Variants in HIP1 observed in about 807,000 individuals in gnomAD.
HIP1 encodes huntingtin interacting protein 1, also known as huntingtin-interacting protein 1.
A neutral mutation model predicts 147.6 loss-of-function variants in HIP1; 65 were observed. That is an observed-to-expected ratio of 0.44 (90% confidence interval 0.36 to 0.54). The LOEUF (loss-of-function observed/expected upper bound fraction) is 0.54, where lower values mean the gene tolerates loss of function less well. HIP1 is among the 20% of genes least tolerant of loss of function. The pLI, the probability that HIP1 is intolerant of heterozygous loss-of-function variation, is 0.00. For missense variants in HIP1, 1,061 were observed against 1,299.6 expected (o/e 0.82, Z 2.82); for synonymous variants, 479 against 504.0 (o/e 0.95, Z 0.67).
chr7:75,721,382 A>AG (rs1801500284), intron 1 of HIP1, among the ~76,000 whole-genome samples: 1 of 151,958 alleles, frequency 6.6e-6, no homozygotes, highest in Non-Finnish European at 1.5e-5. Context: ...TAAAAAAAAA[A>AG]TTAGCTGGGC....
rs1796308413 is a variant in HIP1, at chr7:75,586,843, A to G, written c.385-10T>C. On this transcript the variant is annotated splice_polypyrimidine_tract_variant and intron_variant, in intron 4 of 30. Coordinates refer to ENST00000336926, the MANE Select transcript of HIP1 (RefSeq NM_005338.7). ...CCTCGCTCAGGTGGCCCTTTTAGGA[A>G]GAGGAGGGGAAACAGAGTCAACAAC... 1 of 1,580,560 alleles carries G rather than the reference A, an allele frequency of 6.3e-7. No homozygotes were observed. The highest frequency in any genetic ancestry group is 8.7e-7 in the Non-Finnish European group (1 of 1,150,200).
rs1800177246 is a variant in HIP1, at chr7:75,684,013, G to A, written c.120+54788C>T. The stretch of plus-strand genomic sequence containing the variant: ...GTATTCCTTCTCTTGGCCAGGCATG[G>A]TGGCTCACGCATCCCAGCACTTTGG... On this transcript the variant is annotated intron_variant, in intron 1 of 30. Coordinates refer to ENST00000336926, the MANE Select transcript of HIP1 (RefSeq NM_005338.7). Among the ~76,000 whole-genome samples, 4 of 151,988 alleles carry A rather than the reference G, an allele frequency of 2.6e-5. No individual in the cohort carries two copies. In the South Asian group the frequency reaches 6.2e-4, roughly 24 times the overall value.
chr7:75,738,213 C>T (rs1802086874), intron 1 of HIP1, among the ~76,000 whole-genome samples: 1 of 152,108 alleles, frequency 6.6e-6, no homozygotes, highest in South Asian at 2.1e-4. Context: ...GCATTTCCTA[C>T]ATTCCTTTTC....
intron 1 of HIP1, chr7:75,639,260 AGGCGGCGAGGGGGAGGGGGAGGGG>A: frequency 8.5e-6 from 1 of 116,972 alleles, no homozygotes; most frequent in Non-Finnish European, 1.0e-5. Flanking sequence ...GGGGGAGGGG[AGGCGGCGAGGGGGAGGGGGAGGGG>A]GGCGGGCGCG....
chr7:75,637,519 C>T (rs1452578820), intron 1 of HIP1, among the ~76,000 whole-genome samples: 1 of 148,842 alleles, frequency 6.7e-6, no homozygotes, highest in East Asian at 1.9e-4. Flanking sequence ...ATCTCCACCC[C>T]CATAGCTGCA....
chr7:75,640,778 A>T (rs1363129204), intron 1 of HIP1, among the ~76,000 whole-genome samples: 1 of 148,160 alleles, frequency 6.7e-6, no homozygotes, highest in African/African-American at 2.5e-5. Flanking sequence ...AATAATAATA[A>T]TAATAATAAA....
In HIP1 at chr7:75,663,601, G is replaced by A. The variant is rs532706588; in HGVS notation, c.121-64354C>T. Among the ~76,000 whole-genome samples the A allele has an allele frequency of 3.9e-5, 6 of 152,058 alleles. No homozygotes were observed. In the South Asian group the frequency reaches 1.2e-3, roughly 32 times the overall value. On this transcript the variant is annotated intron_variant, in intron 1 of 30. Transcript: ENST00000336926. Reference sequence around the variant, plus strand: ...GACCTCTGTGCAGGGACAGCTCTGAGGATGGCCAGGGTGGAGACTGGGATC... The same window carrying A: ...GACCTCTGTGCAGGGACAGCTCTGAAGATGGCCAGGGTGGAGACTGGGATC...
Position 75,555,573 on chromosome 7 carries a change from G to A in HIP1, c.1828-22C>T, listed in dbSNP as rs1794969558. ...ATTCCTAAAAATGGTCCAGGGAGGT[G>A]AGAGTCTGCCCTAGACTCCATAATG... On this transcript the variant is annotated intron_variant, in intron 18 of 30. Coordinates refer to ENST00000336926, the MANE Select transcript of HIP1 (RefSeq NM_005338.7). 4.3e-6 allele frequency: 7 copies of A among 1,613,748 alleles called. No homozygotes were observed. In the South Asian group the frequency reaches 6.6e-5, roughly 15 times the overall value.
At chr7:75,589,780 G>C (rs1554500346) in intron 4 of HIP1, among the ~76,000 whole-genome samples, 1 of 150,176 alleles carries the variant, frequency 6.7e-6, no homozygotes, top group African/African-American at 2.5e-5. Context: ...ACCTAGGCTG[G>C]AGTGCAGTGG....
chr7:75,710,016 C>T (rs948782743), intron 1 of HIP1, among the ~76,000 whole-genome samples: 15 of 152,078 alleles, frequency 9.9e-5, no homozygotes, highest in African/African-American at 2.4e-4. Flanking sequence ...GAACTACAGG[C>T]GCATGCTACC....
intron 9 of HIP1, among the ~76,000 whole-genome samples, chr7:75,565,608 C>T (rs782060195): frequency 3.9e-5 from 6 of 152,222 alleles, no homozygotes; most frequent in Middle Eastern, 6.8e-3. Context: ...AGGAAATTAA[C>T]AGGAAAAACA....
intron 25 of HIP1, among the ~76,000 whole-genome samples, chr7:75,546,481 C>T (rs1794569161): frequency 1.3e-5 from 2 of 152,178 alleles, no homozygotes; most frequent in South Asian, 4.1e-4. Flanking sequence ...ATGATAATCC[C>T]AGCAAAGGTG....
intron 1 of HIP1, among the ~76,000 whole-genome samples, chr7:75,656,311 T>C (rs1584924533): frequency 2.0e-5 from 3 of 151,794 alleles, no homozygotes; most frequent in Non-Finnish European, 4.4e-5. Flanking sequence ...GCATTTCAAA[T>C]TAGTAGGGAA....
intron 1 of HIP1, among the ~76,000 whole-genome samples, chr7:75,665,683 G>A (rs1799536293): frequency 6.6e-6 from 1 of 151,988 alleles, no homozygotes; most frequent in Admixed American, 6.6e-5. Context: ...GGGATTGCAG[G>A]CATGCCATCA....
chr7:75,578,469 A>G (rs1036215137), intron 7 of HIP1, among the ~76,000 whole-genome samples: 1 of 152,190 alleles, frequency 6.6e-6, no homozygotes, highest in African/African-American at 2.4e-5. Flanking sequence ...TGAGCTCAGG[A>G]GTTTGAGACC....
At chr7:75,627,741 C>T (rs1798092960) in intron 1 of HIP1, among the ~76,000 whole-genome samples, 1 of 152,140 alleles carries the variant, frequency 6.6e-6, no homozygotes, top group Non-Finnish European at 1.5e-5. Context: ...AGCATCTTCC[C>T]TCCAACTACT....
At chr7:75,593,629 CAAAA>C (rs34062007) in intron 2 of HIP1, among the ~76,000 whole-genome samples, 1 of 72,254 alleles carries the variant, frequency 1.4e-5, no homozygotes, top group Admixed American at 1.6e-4. Flanking sequence ...GACTCCATCT[CAAAA>C]AAAAAAAAAA....
intron 1 of HIP1, among the ~76,000 whole-genome samples, chr7:75,698,551 C>T (rs1554518951): frequency 1.3e-5 from 2 of 152,124 alleles, no homozygotes; most frequent in African/African-American, 2.4e-5. Flanking sequence ...GGTGTGGTGG[C>T]TTGTGACTGT....
chr7:75,716,544 G>A (rs1292034421), intron 1 of HIP1, among the ~76,000 whole-genome samples: 3 of 120,038 alleles, frequency 2.5e-5, no homozygotes, highest in Admixed American at 1.6e-4. Context: ...TTTTGAGATG[G>A]AGTCTCGCTC....
Sources: allele counts gnomAD v4.1 joint callset (sites outside exome capture counted in the v4.1 genomes callset), GRCh38; gene constraint gnomAD v4.1.1; transcripts MANE v1.5; gene names NCBI Gene and HGNC (gene_info 2026-07-23, HGNC 2026-07-21).